The following MAML3 variants were observed in gnomAD, a reference collection of about 807,000 sequenced individuals.
MAML3 encodes mastermind-like protein 3.
MAML3 carries 27 observed loss-of-function variants against 101.9 expected under a neutral mutation model. That is an observed-to-expected ratio of 0.27 (90% CI 0.20 to 0.37). The LOEUF (loss-of-function observed/expected upper bound fraction) is 0.37, where lower values mean the gene tolerates loss of function less well. MAML3 is among the 10% of genes least tolerant of loss of function. The pLI is 1.00. For synonymous variants in MAML3, 501 were observed against 555.9 expected (o/e 0.90, Z 1.39); for missense variants, 1,316 against 1,444.9 (o/e 0.91, Z 1.45).
intron 2 of MAML3, among the ~76,000 whole-genome samples, chr4:139,866,955 C>T (rs1342616958): frequency 6.6e-6 from 1 of 152,206 alleles, no homozygotes; most frequent in African/African-American, 2.4e-5. Flanking sequence ...ACATGTTAAG[C>T]TTCTTTTGTT....
Position 139,748,053 on chromosome 4 carries a change from TAAAAAAAAAAAAAA to T in MAML3, c.2080-17400_2080-17387del, listed in dbSNP as rs34801574. Among the ~76,000 whole-genome samples, 2 of 95,536 alleles carry T rather than the reference TAAAAAAAAAAAAAA, an allele frequency of 2.1e-5. 1 individual carries two copies. Among genetic ancestry groups the T allele is most frequent in the Admixed American group, 2.3e-4 (2 of 8,724 alleles). The allele number at this position is 95,536 out of a possible 152,430, so 62.7% of individuals were successfully genotyped here. On this transcript the variant is annotated intron_variant, in intron 2 of 4. Coordinates refer to ENST00000509479, the MANE Select transcript of MAML3 (RefSeq NM_018717.5). ...TGGGTGGACAGAGCAAGACTTCGTC[TAAAAAAAAAAAAAA>T]AAAAAAAAAGAATGCACATATAGAG... is the stretch of plus-strand genomic sequence containing the variant.
intron 1 of MAML3, among the ~76,000 whole-genome samples, chr4:140,004,700 C>G (rs1275382394): frequency 6.6e-6 from 1 of 152,062 alleles, no homozygotes. Context: ...AAAAACGCAG[C>G]GCTCACGGGG....
intron 2 of MAML3, among the ~76,000 whole-genome samples, chr4:139,875,796 G>A (rs1180515557): frequency 1.3e-5 from 2 of 152,068 alleles, no homozygotes; most frequent in African/African-American, 2.4e-5. Context: ...AAGCCGGCTG[G>A]GTTGGCTTAT....
At chr4:140,099,566 T>C (rs952853476) in intron 1 of MAML3, among the ~76,000 whole-genome samples, 1 of 152,164 alleles carries the variant, frequency 6.6e-6, no homozygotes, top group Admixed American at 6.5e-5. Context: ...CATAGACAGT[T>C]TGTAGCCAAA....
chr4:139,791,284 G>A (rs1187084392), intron 2 of MAML3, among the ~76,000 whole-genome samples: 1 of 152,062 alleles, frequency 6.6e-6, no homozygotes, highest in Non-Finnish European at 1.5e-5. Context: ...ATCACTTGAG[G>A]TCAGGAGTTT....
intron 1 of MAML3, among the ~76,000 whole-genome samples, chr4:140,150,861 G>A (rs542715860): frequency 6.6e-6 from 1 of 152,338 alleles, no homozygotes; most frequent in South Asian, 2.1e-4. Context: ...ACTACAGTGT[G>A]TCAGTGGTTT....
intron 1 of MAML3, among the ~76,000 whole-genome samples, chr4:140,111,094 T>C (rs569839712): frequency 2.0e-4 from 30 of 152,358 alleles, no homozygotes; most frequent in African/African-American, 7.0e-4. Context: ...ATTATAGTCA[T>C]GAACTGACAC....
chr4:139,949,251 G>C (rs145625599), intron 1 of MAML3, among the ~76,000 whole-genome samples: 1 of 152,086 alleles, frequency 6.6e-6, no homozygotes, highest in Non-Finnish European at 1.5e-5. Flanking sequence ...TCTTGACCTC[G>C]TGATCCGCCT....
At chr4:139,979,112 T>C (rs1389103118) in intron 1 of MAML3, among the ~76,000 whole-genome samples, 1 of 152,198 alleles carries the variant, frequency 6.6e-6, no homozygotes, top group African/African-American at 2.4e-5. Flanking sequence ...ACCTGCATTA[T>C]CTACAAGCCT....
intron 2 of MAML3, among the ~76,000 whole-genome samples, chr4:139,797,430 GT>G (rs980578724): frequency 6.6e-6 from 1 of 152,122 alleles, no homozygotes; most frequent in Non-Finnish European, 1.5e-5. Context: ...AATGGGCTGA[GT>G]TTTTTTCAAC....
At chr4:140,046,127 C>T (rs933395448) in intron 1 of MAML3, among the ~76,000 whole-genome samples, 13 of 152,174 alleles carry the variant, frequency 8.5e-5, no homozygotes, top group African/African-American at 2.9e-4. Context: ...AGCTGTACTT[C>T]CTGGCTCTTG....
At chr4:140,031,154 G>T (rs2110891508) in intron 1 of MAML3, among the ~76,000 whole-genome samples, 1 of 152,172 alleles carries the variant, frequency 6.6e-6, no homozygotes, top group South Asian at 2.1e-4. Flanking sequence ...ATTTAAAGGG[G>T]CATTTAAAGC....
intron 2 of MAML3, among the ~76,000 whole-genome samples, chr4:139,789,323 AG>A (rs1730361949): frequency 6.6e-6 from 1 of 152,104 alleles, no homozygotes; most frequent in East Asian, 1.9e-4. Context: ...AGAATTGATT[AG>A]GGGTTGGGGT....
intron 1 of MAML3, among the ~76,000 whole-genome samples, chr4:139,996,442 GTACT>G (rs1734815669): frequency 6.6e-6 from 1 of 151,960 alleles, no homozygotes; most frequent in Admixed American, 6.6e-5. Context: ...TTGAGGCTCT[GTACT>G]TAGTTTAATA....
chr4:139,920,757 T>A (rs1733116654), intron 1 of MAML3, among the ~76,000 whole-genome samples: 1 of 152,162 alleles, frequency 6.6e-6, no homozygotes, highest in African/African-American at 2.4e-5. Context: ...GCTCCAACTT[T>A]TCCTCCCAGG....
intron 1 of MAML3, among the ~76,000 whole-genome samples, chr4:139,907,120 A>G (rs542596675): frequency 6.6e-6 from 1 of 152,386 alleles, no homozygotes; most frequent in East Asian, 1.9e-4. Flanking sequence ...GTATTTAAAA[A>G]TACCCTGAGT....
chr4:139,808,797 C>G (rs1391166773), intron 2 of MAML3, among the ~76,000 whole-genome samples: 1 of 152,132 alleles, frequency 6.6e-6, no homozygotes, highest in Non-Finnish European at 1.5e-5. Context: ...ATTATGCTTT[C>G]GAAAAATATA....
intron 1 of MAML3, among the ~76,000 whole-genome samples, chr4:140,105,946 G>A (rs937136178): frequency 1.3e-5 from 2 of 151,976 alleles, no homozygotes; most frequent in African/African-American, 4.8e-5. Context: ...GATGTGAAAT[G>A]AGCCAGCCTG....
chr4:139,961,599 T>G (rs1734014703), intron 1 of MAML3, among the ~76,000 whole-genome samples: 1 of 152,180 alleles, frequency 6.6e-6, no homozygotes, highest in African/African-American at 2.4e-5. Flanking sequence ...TAGTTCCGCA[T>G]TCCTATGAGC....
Sources: allele counts gnomAD v4.1 joint callset (sites outside exome capture counted in the v4.1 genomes callset), GRCh38; gene constraint gnomAD v4.1.1; transcripts MANE v1.5; gene names NCBI Gene and HGNC (gene_info 2026-07-23, HGNC 2026-07-21).